The following TSC22D3 variants were observed in gnomAD, a reference collection of about 807,000 sequenced individuals.
TSC22D3 encodes TSC22 domain family protein 3.
In TSC22D3, 4 loss-of-function variants were observed where a neutral mutation model predicts 11.1. The observed-to-expected ratio is 0.36, with a 90% CI of 0.18 to 0.83. TSC22D3 has a LOEUF of 0.83. TSC22D3 is among the 40% of genes least tolerant of loss of function. The pLI, the probability that TSC22D3 is intolerant of heterozygous loss-of-function variation, is 0.48. For synonymous variants in TSC22D3, 77 were observed against 70.3 expected (o/e 1.10, Z -0.48); for missense variants, 118 against 159.4 (o/e 0.74, Z 1.40).
chrX:107,714,429 G>A lies in TSC22D3; in HGVS notation c.*90C>T, dbSNP rs758212082. 4.4e-5 allele frequency: 37 copies of A among 848,326 alleles called. No individual in the cohort carries two copies. The Middle Eastern group carries it at 3.1e-3, about 70-fold the overall frequency. 69.9% of individuals were successfully genotyped at this position (848,326 alleles called of 1,213,427 possible). ...CTGTGCTAGGTGTAAAGTTCTCCTCGTGAGATGATGCTTGGGGAGCCAAAA... is the reference window on the plus strand; with the variant it reads ...CTGTGCTAGGTGTAAAGTTCTCCTCATGAGATGATGCTTGGGGAGCCAAAA... On this transcript the variant is annotated 3_prime_UTR_variant, in exon 3 of 3. Coordinates refer to ENST00000372383, the MANE Select transcript of TSC22D3 (RefSeq NM_198057.3).
chrX:107,758,655 C>T (rs180798579), intron 1 of TSC22D3, among the ~76,000 whole-genome samples: 1 of 111,587 alleles, frequency 9.0e-6, no homozygotes, highest in Admixed American at 9.5e-5. Flanking sequence ...CTTTTTAGAT[C>T]TGGACATCAC....
chrX:107,740,322 G>A (rs1210974053), intron 1 of TSC22D3, among the ~76,000 whole-genome samples: 1 of 112,021 alleles, frequency 8.9e-6, no homozygotes, highest in African/African-American at 3.2e-5. Context: ...GGTGGCTCAC[G>A]TCTGTAATCC....
chrX:107,751,077 G>C (rs1167419061), intron 1 of TSC22D3, among the ~76,000 whole-genome samples: 1 of 112,113 alleles, frequency 8.9e-6, no homozygotes, highest in Non-Finnish European at 1.9e-5. Context: ...TGAGGTAGCT[G>C]CTCCAGAGAC....
intron 1 of TSC22D3, among the ~76,000 whole-genome samples, chrX:107,768,111 TAAG>T (rs1270584145): frequency 1.8e-5 from 2 of 112,120 alleles, no homozygotes; most frequent in East Asian, 2.8e-4. Flanking sequence ...ATGGCTTACA[TAAG>T]AAGAAGAGAA....
intron 1 of TSC22D3, among the ~76,000 whole-genome samples, chrX:107,727,239 G>A (rs1278619927): frequency 2.7e-5 from 3 of 112,324 alleles, no homozygotes; most frequent in African/African-American, 9.7e-5. Context: ...CTCCCTTGAT[G>A]CATTTGTGAA....
At chrX:107,759,787 C>T (rs1929349841) in intron 1 of TSC22D3, among the ~76,000 whole-genome samples, 1 of 112,873 alleles carries the variant, frequency 8.9e-6, no homozygotes, top group African/African-American at 3.2e-5. Flanking sequence ...CTCTTGCCTG[C>T]GTTCTCTCCC....
chrX:107,748,087 C>A (rs1408764151), intron 1 of TSC22D3, among the ~76,000 whole-genome samples: 1 of 111,861 alleles, frequency 8.9e-6, no homozygotes, highest in Non-Finnish European at 1.9e-5. Flanking sequence ...CACCCCTGCA[C>A]ACACACCCCT....
intron 1 of TSC22D3, among the ~76,000 whole-genome samples, chrX:107,723,799 C>T (rs189815189): frequency 3.6e-5 from 4 of 112,417 alleles, no homozygotes; most frequent in Non-Finnish European, 7.5e-5. Flanking sequence ...GACTTGGGGG[C>T]TATTGGCAAT....
chrX:107,754,785 T>C (rs1203744554), intron 1 of TSC22D3, among the ~76,000 whole-genome samples: 1 of 112,375 alleles, frequency 8.9e-6, no homozygotes, highest in Non-Finnish European at 1.9e-5. Context: ...GGCAGGTGAT[T>C]GCGTCCTCTG....
At chrX:107,716,275 G>T in intron 1 of TSC22D3, 1 of 927,337 alleles carries the variant, frequency 1.1e-6, no homozygotes, top group Non-Finnish European at 1.3e-6. Flanking sequence ...GACCCGGGGA[G>T]TCCCCCACAG....
chrX:107,731,877 G>C, intron 1 of TSC22D3, among the ~76,000 whole-genome samples: 1 of 79,319 alleles, frequency 1.3e-5, no homozygotes, highest in Non-Finnish European at 2.4e-5. Context: ...GGGGGTGGGG[G>C]GAGGGAGAGG....
At chrX:107,721,458 G>C (rs6622261) in intron 1 of TSC22D3, among the ~76,000 whole-genome samples, 2 of 111,943 alleles carry the variant, frequency 1.8e-5, no homozygotes, top group Non-Finnish European at 3.8e-5. Context: ...AGCAGATTCA[G>C]GGCGGGTGCG....
intron 1 of TSC22D3, among the ~76,000 whole-genome samples, chrX:107,741,558 G>A (rs1198095665): frequency 8.9e-6 from 1 of 112,852 alleles, no homozygotes; most frequent in African/African-American, 3.2e-5. Context: ...CCAGGCACCC[G>A]CCTCCCACCA....
At chrX:107,731,055 C>A (rs1038089441) in intron 1 of TSC22D3, among the ~76,000 whole-genome samples, 7 of 112,742 alleles carry the variant, frequency 6.2e-5, no homozygotes, top group African/African-American at 1.6e-4. Context: ...AATGGCTCAA[C>A]AGGTTTTTCT....
rs779361916 is a variant in TSC22D3, at chrX:107,768,868, G to A, written c.320+6232C>T. On this transcript the variant is annotated intron_variant, in intron 1 of 2. Transcript: ENST00000372383. ...ATGAGAGATACACACTAAAACTTTTGCCAGTCTCCAACTCATGGATGCAAT... is the reference window on the plus strand; with the variant it reads ...ATGAGAGATACACACTAAAACTTTTACCAGTCTCCAACTCATGGATGCAAT... Among the ~76,000 whole-genome samples the A allele has an allele frequency of 4.4e-5, 5 of 112,606 alleles. No homozygotes were observed. In the South Asian group the frequency reaches 1.8e-3, roughly 41 times the overall value.
At chrX:107,761,893 T>C (rs1050327008) in intron 1 of TSC22D3, among the ~76,000 whole-genome samples, 1 of 112,361 alleles carries the variant, frequency 8.9e-6, no homozygotes, top group Non-Finnish European at 1.9e-5. Flanking sequence ...GCACTTGCAG[T>C]GCCCCATGTC....
chrX:107,730,285 T>C (rs1927824092), intron 1 of TSC22D3, among the ~76,000 whole-genome samples: 2 of 111,920 alleles, frequency 1.8e-5, no homozygotes, highest in African/African-American at 6.5e-5. Flanking sequence ...AGCACTGGGC[T>C]GCCTCTAGCT....
intron 1 of TSC22D3, among the ~76,000 whole-genome samples, chrX:107,743,263 A>C (rs1928507305): frequency 9.1e-6 from 1 of 110,168 alleles, no homozygotes; most frequent in Non-Finnish European, 1.9e-5. Context: ...GTTCCAAACA[A>C]CCCCCCATAC....
chrX:107,740,454 C>T (rs748209641), intron 1 of TSC22D3, among the ~76,000 whole-genome samples: 6 of 111,737 alleles, frequency 5.4e-5, no homozygotes, highest in Non-Finnish European at 1.1e-4. Flanking sequence ...TGGTGGCACA[C>T]GCCTGTAGTC....
Sources: allele counts gnomAD v4.1 joint callset (sites outside exome capture counted in the v4.1 genomes callset), GRCh38; gene constraint gnomAD v4.1.1; transcripts MANE v1.5; gene names NCBI Gene and HGNC (gene_info 2026-07-23, HGNC 2026-07-21).